Variants in PCDH15 observed in about 807,000 individuals in gnomAD.
PCDH15 encodes the protein protocadherin related 15, also known as protocadherin-15.
In PCDH15, 129 loss-of-function variants were observed where a neutral mutation model predicts 178.5. The observed-to-expected ratio is 0.72, with a 90% CI of 0.63 to 0.84. The LOEUF is 0.84. PCDH15 is among the 40% of genes least tolerant of loss of function. PCDH15 has a pLI of 0.00. For missense variants in PCDH15, 2,230 were observed against 2,099.9 expected (o/e 1.06, Z -1.21); for synonymous variants, 800 against 732.0 (o/e 1.09, Z -1.50).
intron 3 of PCDH15, among the ~76,000 whole-genome samples, chr10:54,430,298 G>A (rs1423708168): frequency 7.2e-5 from 11 of 151,972 alleles, no homozygotes; most frequent in Admixed American, 3.3e-4. Flanking sequence ...TAGGTGATCC[G>A]CCAGCCTCAG....
At chr10:54,840,865 C>G (rs1000494232) in intron 3 of PCDH15, among the ~76,000 whole-genome samples, 19 of 151,698 alleles carry the variant, frequency 1.3e-4, no homozygotes, top group African/African-American at 4.6e-4. Flanking sequence ...AGTATTGATT[C>G]ATCGAGAGGA....
chr10:55,219,880 T>TCACACACACACACA (rs71461286), intron 1 of PCDH15, among the ~76,000 whole-genome samples: 4 of 144,058 alleles, frequency 2.8e-5, no homozygotes, highest in African/African-American at 7.7e-5. Context: ...CTGATATCAG[T>TCACACACACACACA]CACACACACA....
chr10:55,430,657 G>T (rs117527688), intron 2 of PCDH15, among the ~76,000 whole-genome samples: 1 of 151,996 alleles, frequency 6.6e-6, no homozygotes, highest in Admixed American at 6.5e-5. Flanking sequence ...TCCCAGTGAA[G>T]AAAAGATTAC....
At chr10:54,528,958 G>A (rs929944601) in intron 2 of PCDH15, among the ~76,000 whole-genome samples, 1 of 151,968 alleles carries the variant, frequency 6.6e-6, no homozygotes, top group African/African-American at 2.4e-5. Context: ...ACTTTGTGAG[G>A]CAGAGAGGGC....
At chr10:54,595,066 C>T (rs868673069) in intron 2 of PCDH15, among the ~76,000 whole-genome samples, 13 of 152,288 alleles carry the variant, frequency 8.5e-5, no homozygotes, top group Admixed American at 5.9e-4. Context: ...CAAACCATAC[C>T]GCCACAGCCA....
chr10:53,953,008 G>C (rs2087230693), intron 23 of PCDH15, among the ~76,000 whole-genome samples: 1 of 152,216 alleles, frequency 6.6e-6, no homozygotes, highest in Non-Finnish European at 1.5e-5. Flanking sequence ...AGTCTCAGCT[G>C]GGTGATTGCA....
At chr10:54,380,597 G>A (rs1949051460) in intron 3 of PCDH15, among the ~76,000 whole-genome samples, 1 of 135,592 alleles carries the variant, frequency 7.4e-6, no homozygotes, top group Non-Finnish European at 1.5e-5. Flanking sequence ...TGACTCAATA[G>A]TGTTTAAGAG....
At chr10:54,813,506 A>G (rs1407050864) in intron 3 of PCDH15, among the ~76,000 whole-genome samples, 1 of 152,202 alleles carries the variant, frequency 6.6e-6, no homozygotes. Context: ...ATCTGAGAGC[A>G]GCTCTTTTTT....
At chr10:55,037,864 T>C (rs949145924) in intron 2 of PCDH15, among the ~76,000 whole-genome samples, 1 of 152,220 alleles carries the variant, frequency 6.6e-6, no homozygotes, top group African/African-American at 2.4e-5. Context: ...TAGTGTTATC[T>C]TGGAATGAAA....
chr10:54,949,145 T>C (rs1051378761), intron 2 of PCDH15, among the ~76,000 whole-genome samples: 1 of 151,960 alleles, frequency 6.6e-6, no homozygotes, highest in Non-Finnish European at 1.5e-5. Flanking sequence ...CCTAACTTTA[T>C]GTATTAGTCC....
At chr10:54,043,926 T>A (rs1161759261) in intron 18 of PCDH15, among the ~76,000 whole-genome samples, 2 of 152,154 alleles carry the variant, frequency 1.3e-5, no homozygotes, top group African/African-American at 4.8e-5. Context: ...CTTACCATCT[T>A]GTAAGCAAGA....
chr10:54,127,428 A>G (rs1449573006), intron 15 of PCDH15, among the ~76,000 whole-genome samples: 2 of 152,212 alleles, frequency 1.3e-5, no homozygotes, highest in Non-Finnish European at 2.9e-5. Flanking sequence ...TGATAACTGC[A>G]TATTTTGACT....
intron 17 of PCDH15, among the ~76,000 whole-genome samples, chr10:54,067,135 G>A (rs576483916): frequency 6.6e-6 from 1 of 152,262 alleles, no homozygotes; most frequent in South Asian, 2.1e-4. Context: ...TTTTGGAAAT[G>A]TCAAGTATTT....
intron 23 of PCDH15, among the ~76,000 whole-genome samples, chr10:53,946,657 C>G (rs917155186): frequency 2.6e-5 from 4 of 152,060 alleles, no homozygotes; most frequent in South Asian, 4.1e-4. Context: ...CAAAATAACT[C>G]CAAAATGGTT....
intron 2 of PCDH15, among the ~76,000 whole-genome samples, chr10:55,613,172 C>T (rs1251527156): frequency 6.6e-6 from 1 of 151,910 alleles, no homozygotes; most frequent in Non-Finnish European, 1.5e-5. Context: ...ATTAGTTTTG[C>T]CTCATGTTCC....
chr10:55,288,542 C>T (rs913521956), intron 1 of PCDH15, among the ~76,000 whole-genome samples: 1 of 151,926 alleles, frequency 6.6e-6, no homozygotes, highest in African/African-American at 2.4e-5. Flanking sequence ...ACTTCTCCCT[C>T]CTCCAGCAAC....
chr10:55,530,759 AT>A (rs1841434763), intron 2 of PCDH15, among the ~76,000 whole-genome samples: 1 of 151,990 alleles, frequency 6.6e-6, no homozygotes, highest in African/African-American at 2.4e-5. Flanking sequence ...AAAATTAATT[AT>A]TTTAAGCTAT....
intron 2 of PCDH15, among the ~76,000 whole-genome samples, chr10:54,910,701 G>A (rs1954801628): frequency 6.6e-6 from 1 of 152,010 alleles, no homozygotes; most frequent in Non-Finnish European, 1.5e-5. Context: ...TTTATCCTTT[G>A]TATGCAGAAT....
At chr10:54,153,352 G>A (rs1043289273) in intron 13 of PCDH15, 59 bp from the exon 14 acceptor site, 5 of 1,572,814 alleles carry the variant, frequency 3.2e-6, no homozygotes, top group South Asian at 1.1e-5. Context: ...CCACCATGTC[G>A]TTTTTTCCCC....
Sources: allele counts gnomAD v4.1 joint callset (sites outside exome capture counted in the v4.1 genomes callset), GRCh38; gene constraint gnomAD v4.1.1; transcripts MANE v1.5; gene names NCBI Gene and HGNC (gene_info 2026-07-23, HGNC 2026-07-21).